ROBO4: variants seen among roughly 807,000 people sequenced by gnomAD.
ROBO4 encodes the protein roundabout homolog 4.
A neutral mutation model predicts 103.3 loss-of-function variants in ROBO4; 80 were observed. The observed-to-expected ratio is 0.77, with a 90% CI of 0.65 to 0.93. The LOEUF (loss-of-function observed/expected upper bound fraction) is 0.93. Among genes scored for constraint, ROBO4 ranks in the 40% least tolerant of loss-of-function variants. The pLI, the probability that ROBO4 is intolerant of heterozygous loss-of-function variation, is 0.00. For synonymous variants in ROBO4, 504 were observed against 529.7 expected, an observed-to-expected ratio of 0.95 and a Z score of 0.67; for missense variants, 1,333 against 1,305.3, an observed-to-expected ratio of 1.02 and a Z score of -0.33.
chr11:124,891,717 TGAGGCTGCTGCTGCTGCTCAGGTCCC>T lies in ROBO4; in HGVS notation c.1607_1632del (p.Arg536GlnfsTer44). On this transcript the variant is annotated frameshift_variant, in exon 11 of 18. Transcript: ENST00000306534. LOFTEE classifies it high-confidence loss of function. ...CGGGCATCCGCCCCCAGCCGACTGC[TGAGGCTGCTGCTGCTGCTCAGGTCCC>T]GAGAGCCAGAGGTGGAACGCCAAGT... is the stretch of plus-strand genomic sequence containing the variant. 6.2e-7 allele frequency: 1 copy of T among 1,614,158 alleles called. No homozygotes were observed. The highest frequency in any genetic ancestry group is 8.5e-7 in the Non-Finnish European group (1 of 1,180,026).
chr11:124,886,910 A>G (rs1199143105), intron 15 of ROBO4, 67 bp downstream of exon 15: 4 of 1,546,144 alleles, frequency 2.6e-6, no homozygotes, highest in Non-Finnish European at 3.5e-6. Context: ...GGAGGGCGGA[A>G]TGGGTGGAGA....
intron 10 of ROBO4, chr11:124,892,549 G>T: frequency 6.4e-6 from 1 of 156,602 alleles, no homozygotes; most frequent in South Asian, 1.9e-4. Flanking sequence ...GCTATTACTT[G>T]CTGCTTCATT....
In ROBO4 at chr11:124,886,908, G is replaced by A; in HGVS notation, c.2435+69C>T. 5.2e-6 allele frequency: 8 copies of A among 1,545,210 alleles called. No individual in the cohort carries two copies. In the South Asian group the frequency reaches 7.4e-5, roughly 14 times the overall value. ...GAAAAGCCCCAGTTGAGGGAGGGCG[G>A]AATGGGTGGAGAGGCGCTTGCCCCC... On this transcript the variant is annotated intron_variant, in intron 15 of 17. Transcript: ENST00000306534.
intron 12 of ROBO4, among the ~76,000 whole-genome samples, chr11:124,888,404 A>C (rs2135368591): frequency 6.6e-6 from 1 of 152,326 alleles, no homozygotes; most frequent in East Asian, 1.9e-4. Context: ...TCTCACTTGA[A>C]AGATGGGGTA....
In ROBO4 at chr11:124,897,323, A is replaced by AC. The variant is rs906741348; in HGVS notation, c.71-63dup. The AC allele has an allele frequency of 3.3e-6, 4 of 1,197,792 alleles. No homozygotes were observed. The African/African-American group carries it at 4.6e-5, about 14-fold the overall frequency. 74.2% of individuals were successfully genotyped at this position (1,197,792 alleles called of 1,614,324 possible). A position where few individuals can be genotyped will look rare whatever the true frequency, so the allele number is the denominator to read the frequency against. On this transcript the variant is annotated intron_variant, in intron 1 of 17. Coordinates refer to ENST00000306534, the MANE Select transcript of ROBO4 (RefSeq NM_019055.6). ...CAGCAACACCCCAAATTCCTGGCCC[A>AC]CCCCTCATCTGTCTTCTCTTGTGTG... is the stretch of plus-strand genomic sequence containing the variant.
At position 124,893,984 on chromosome 11, in the gene ROBO4, C is replaced by A; in HGVS notation, c.1380G>T (p.Gln460His). The change falls in exon 9 of 18, where the codon CAG becomes CAT. Residue 460 changes from glutamine (Q) to histidine (H), a missense_variant. By Grantham distance (24) the Gln-to-His change is conservative (BLOSUM62 0). Coordinates refer to ENST00000306534, the MANE Select transcript of ROBO4 (RefSeq NM_019055.6). ...CAGGCCGCTTCAAGGTAGCCCTCAG[C>A]TGCTCCAGGGTCCAGGGACCATGCT... ...PSEHGPWTLE[Q>H]LRATLKRPEV... The A allele has an allele frequency of 1.3e-6, 2 of 1,590,324 alleles. No homozygotes were observed. Among genetic ancestry groups the A allele is most frequent in the Non-Finnish European group, 1.7e-6 (2 of 1,169,690 alleles).
Position 124,886,779 on chromosome 11 carries a change from T to C in ROBO4, c.2479A>G (p.Thr827Ala). 1.3e-6 allele frequency: 2 copies of C among 1,545,174 alleles called. No homozygotes were observed. The highest frequency in any genetic ancestry group is 1.7e-6 in the Non-Finnish European group (2 of 1,143,612). ...PMPRAPSPPT[T>A]YGYISVPTAS... is the part of the protein sequence containing the mutation. ...GTTGGGACGCTGATGTACCCATAGG[T>C]GGTGGGGGGTGAAGGAGCCCTTGGC... is the stretch of plus-strand genomic sequence containing the variant. Residue 827 changes from threonine to alanine, a missense_variant, in exon 16 of 18, where the codon ACC becomes GCC. Physicochemically the swap from Thr to Ala is moderately conservative, Grantham distance 58. Coordinates refer to ENST00000306534, the MANE Select transcript of ROBO4 (RefSeq NM_019055.6).
rs765491728 is a variant in ROBO4, at chr11:124,893,844, C to T, written c.1504+16G>A. 6 of 1,613,004 alleles carry T rather than the reference C, an allele frequency of 3.7e-6. No individual in the cohort carries two copies. The highest frequency in any genetic ancestry group is 4.2e-6 in the Non-Finnish European group (5 of 1,179,624). On this transcript the variant is annotated intron_variant, in intron 9 of 17. Coordinates refer to ENST00000306534, the MANE Select transcript of ROBO4 (RefSeq NM_019055.6). ...GAGGAGGCCTGTATACATGTGGGTC[C>T]CCCTCAGACTCTCACCTGGGCCCAG...
At position 124,884,181 on chromosome 11, in the gene ROBO4, C is replaced by G. The variant is rs1287486407; in HGVS notation, c.*710G>C. 1 of 152,228 alleles carries G rather than the reference C, an allele frequency of 6.6e-6. No homozygotes were observed. The highest frequency in any genetic ancestry group is 6.5e-5 in the Admixed American group (1 of 15,278). The allele number at this position is 152,228 out of a possible 1,614,324, so 9.4% of individuals were successfully genotyped here. ...TTCTTGCCATCTCTCCAGGTGCTCC[C>G]CTAAAAATGGTGCTCCGGGGAATGA... On this transcript the variant is annotated 3_prime_UTR_variant, in exon 18 of 18. Transcript: ENST00000306534.
rs764168145 is a variant in ROBO4, at chr11:124,895,127, A to T, written c.1103T>A (p.Val368Asp). 1 of 1,614,024 alleles carries T rather than the reference A, an allele frequency of 6.2e-7. No individual in the cohort carries two copies. Among genetic ancestry groups the T allele is most frequent in the Admixed American group, 1.7e-5 (1 of 60,016 alleles). ...ATTGTGGTTTTCAGCAGGTGGTGGG[A>T]CCCAGCTCACAAAGACAGTGCCATT... ...PGNGTVFVSW[V>D]PPPAENHNGI... The change falls in exon 7 of 18, where the codon GTC becomes GAC. Residue 368 changes from valine to aspartate, a missense_variant. By Grantham distance (152) the Val-to-Asp change is radical (BLOSUM62 -3). Transcript: ENST00000306534.
chr11:124,892,942 A>G (rs1946822023), intron 10 of ROBO4: 1 of 152,652 alleles, frequency 6.6e-6, no homozygotes, highest in African/African-American at 2.4e-5. Flanking sequence ...AGGACCTGAC[A>G]GTGAAATGGC....
At chr11:124,888,407 A>G (rs1946749769) in intron 12 of ROBO4, among the ~76,000 whole-genome samples, 1 of 152,296 alleles carries the variant, frequency 6.6e-6, no homozygotes, top group East Asian at 1.9e-4. Flanking sequence ...CACTTGAAAG[A>G]TGGGGTAGAC....
Position 124,885,238 on chromosome 11 carries a change from G to A in ROBO4, c.2804C>T (p.Ser935Leu). The change falls in exon 17 of 18, where the codon TCA becomes TTA. Residue 935 changes from serine (S) to leucine (L), a missense_variant. By Grantham distance (145) the Ser-to-Leu change is moderately radical. Transcript: ENST00000306534. ...EADCVFIDASSPPSPRDEIFL... is the reference protein window; with the variant it reads ...EADCVFIDASLPPSPRDEIFL... Reference sequence around the variant, plus strand: ...GATCTCATCCCGTGGGGAGGGAGGTGATGAGGCATCTGTCAGGGAGGGTAG... The same window carrying A: ...GATCTCATCCCGTGGGGAGGGAGGTAATGAGGCATCTGTCAGGGAGGGTAG... 1 of 1,611,074 alleles carries A rather than the reference G, an allele frequency of 6.2e-7. No homozygotes were observed. The highest frequency in any genetic ancestry group is 8.5e-7 in the Non-Finnish European group (1 of 1,179,928).
chr11:124,887,537 C>T (rs1946736309), intron 13 of ROBO4, 38 bp from the exon 14 acceptor site: 1 of 1,611,748 alleles, frequency 6.2e-7, no homozygotes, highest in Non-Finnish European at 8.5e-7. Context: ...ACAGTGGCAT[C>T]CCCATCTGCT....
chr11:124,896,513 T>C lies in ROBO4; in HGVS notation c.558A>G (p.Thr186=), dbSNP rs745479701. ...GTGTGGGGGAGGGGGCCACACTTAC[T>C]GTGTGCCTTCCGGGCTGGAGGGCCA... is the stretch of plus-strand genomic sequence containing the variant. The part of the protein sequence containing the change: ...KPLALQPGRH[T]VSGGSLLMAR... The change falls in exon 3 of 18, where the codon ACA becomes ACG. Residue 186 remains threonine (T), a splice_region_variant and synonymous_variant. Transcript: ENST00000306534. The C allele has an allele frequency of 4.3e-6, 7 of 1,613,752 alleles. No homozygotes were observed. Among genetic ancestry groups the C allele is most frequent in the Non-Finnish European group, 5.1e-6 (6 of 1,179,826 alleles).
At position 124,894,271 on chromosome 11, in the gene ROBO4, G is replaced by A; in HGVS notation, c.1248C>T (p.Tyr416=). 6.2e-7 allele frequency: 1 copy of A among 1,614,118 alleles called. No homozygotes were observed. The highest frequency in any genetic ancestry group is 8.5e-7 in the Non-Finnish European group (1 of 1,180,016). ...CAGTGACTGCAGCCACTTGCACGCA[G>A]TAGGAGCCTGGCATATGGGTGGCGA... ...LEIATHMPGS[Y]CVQVAAVTGA... Residue 416 remains tyrosine (Y), a synonymous_variant, in exon 8 of 18, where the codon TAC becomes TAT. Coordinates refer to ENST00000306534, the MANE Select transcript of ROBO4 (RefSeq NM_019055.6).
intron 10 of ROBO4, chr11:124,892,070 G>C (rs766547642): frequency 2.7e-5 from 18 of 656,736 alleles, no homozygotes; most frequent in Non-Finnish European, 4.5e-5. Context: ...GTATGCTGAG[G>C]TAAAAAGAAG....
At position 124,895,505 on chromosome 11, in the gene ROBO4, C is replaced by T; in HGVS notation, c.988G>A (p.Ala330Thr). ...EFKVRPSSGR[A>T]RGPDSNVLLL... ...AGCACGTTGCTGTCAGGGCCTCGAG[C>T]CCGGCCAGAGGATGGTCTCACTTTG... is the stretch of plus-strand genomic sequence containing the variant. The change falls in exon 6 of 18, where the codon GCT (alanine) becomes ACT (threonine). Residue 330 changes from alanine to threonine, a missense_variant. By Grantham distance (58) the Ala-to-Thr change is moderately conservative (BLOSUM62 0). Transcript: ENST00000306534. 6.2e-7 allele frequency: 1 copy of T among 1,611,364 alleles called. No individual in the cohort carries two copies.
rs138370967 is a variant in ROBO4 at position 124,897,049 on chromosome 11, C to T, written c.283G>A (p.Ala95Thr). The T allele has an allele frequency of 6.3e-5, 101 of 1,613,654 alleles. No individual in the cohort carries two copies. In the Middle Eastern group the frequency reaches 6.6e-4, roughly 11 times the overall value. Residue 95 changes from alanine (A) to threonine (T), a missense_variant, in exon 2 of 18, where the codon GCC becomes ACC. Ala to Thr is a moderately conservative substitution (Grantham distance 58). Coordinates refer to ENST00000306534, the MANE Select transcript of ROBO4 (RefSeq NM_019055.6). ...DGTLLLLQPPARGHAHDGQAL... is the reference protein window; with the variant it reads ...DGTLLLLQPPTRGHAHDGQAL... ...TGGCCATCGTGGGCATGTCCCCGGG[C>T]AGGGGGCTGTAGCAGCAGAAGGGTC...
Sources: gnomAD v4.1 joint callset for allele counts (sites outside exome capture counted in the v4.1 genomes callset) on GRCh38, gnomAD v4.1.1 for gene constraint, MANE v1.5 for transcripts, NCBI Gene and HGNC (gene_info 2026-07-23, HGNC 2026-07-21) for gene names.